ARHGAP21: variants seen among roughly 807,000 people sequenced by gnomAD.
ARHGAP21 encodes rho GTPase-activating protein 21.
Under a neutral mutation model 164.6 loss-of-function variants are expected in ARHGAP21, and 38 were observed. The observed-to-expected ratio is 0.23, with a 90% CI of 0.18 to 0.30. ARHGAP21 has a LOEUF of 0.30. Among genes scored for constraint, ARHGAP21 ranks in the 10% least tolerant of loss-of-function variants. The probability of loss-of-function intolerance (pLI) is 1.00; values close to 1 mark genes in which losing one functional copy is unlikely to be tolerated. For synonymous variants in ARHGAP21, 766 were observed against 857.9 expected (o/e 0.89, Z 1.87); for missense variants, 1,822 against 2,370.7 (o/e 0.77, Z 4.81).
Position 24,585,689 on chromosome 10 carries a change from G to C in ARHGAP21, c.4600C>G (p.Gln1534Glu). 2 of 1,614,184 alleles carry C rather than the reference G, an allele frequency of 1.2e-6. No homozygotes were observed. Among genetic ancestry groups the C allele is most frequent in the Non-Finnish European group, 1.7e-6 (2 of 1,180,032 alleles). ...GTCTCTTCAAGGTGGGAGGACTTCT[G>C]TGCCAGAAGTGACCTGGGGCTCTCT... is the stretch of plus-strand genomic sequence containing the variant. ...LKESPRSLLA[Q>E]KSSHLEETGS... The change falls in exon 26 of 26, where the codon CAG becomes GAG. Residue 1534 changes from glutamine to glutamate, a missense_variant. Gln to Glu is a conservative substitution (Grantham distance 29). Transcript: ENST00000396432.
chr10:24,625,488 T>C (rs1487044841), intron 7 of ARHGAP21, among the ~76,000 whole-genome samples: 3 of 151,806 alleles, frequency 2.0e-5, no homozygotes, highest in Non-Finnish European at 4.4e-5. Flanking sequence ...GGGGATGGTG[T>C]AGATGGAGAA....
chr10:24,606,355 T>C (rs952547688), intron 11 of ARHGAP21, among the ~76,000 whole-genome samples: 4 of 152,056 alleles, frequency 2.6e-5, no homozygotes, highest in South Asian at 2.1e-4. Context: ...GAAGAATCCA[T>C]AGAAAATAGT....
rs766927000 is a variant in ARHGAP21 at position 24,584,831 on chromosome 10, T to C, written c.5458A>G (p.Lys1820Glu). 5 of 1,613,968 alleles carry C rather than the reference T, an allele frequency of 3.1e-6. No homozygotes were observed. Among genetic ancestry groups the C allele is most frequent in the East Asian group, 2.2e-5 (1 of 44,876 alleles). ...CTCTCCCCGCTCTGCTCATGCACTT[T>C]CCAAAAATTCAAAACGCTGATTTCG... The part of the protein sequence containing the change: ...ATEISVLNFW[K>E]VHEQSGERES... Residue 1820 changes from lysine to glutamate, a missense_variant, in exon 26 of 26, where the codon AAA (lysine) becomes GAA (glutamate). This residue lies in a region of ARHGAP21 where 165 missense variants were observed against 176.6 expected (regional missense o/e 0.93). Transcript: ENST00000396432.
intron 4 of ARHGAP21, among the ~76,000 whole-genome samples, chr10:24,645,358 A>G (rs572818117): frequency 6.6e-6 from 1 of 152,240 alleles, no homozygotes; most frequent in Admixed American, 6.5e-5. Context: ...AGATGGGTTG[A>G]TCACCTGCAG....
chr10:24,699,165 C>T (rs934079689), intron 2 of ARHGAP21, among the ~76,000 whole-genome samples: 1 of 152,032 alleles, frequency 6.6e-6, no homozygotes, highest in African/African-American at 2.4e-5. Flanking sequence ...CTTTCTGGCT[C>T]CTATTATCTC....
At chr10:24,718,042 A>G (rs1845558922) in intron 2 of ARHGAP21, among the ~76,000 whole-genome samples, 1 of 152,118 alleles carries the variant, frequency 6.6e-6, no homozygotes, top group African/African-American at 2.4e-5. Context: ...AGTTATTGGG[A>G]AACTCCGTAG....
intron 2 of ARHGAP21, among the ~76,000 whole-genome samples, chr10:24,694,356 T>C (rs1842970857): frequency 1.3e-5 from 2 of 152,228 alleles, no homozygotes; most frequent in African/African-American, 4.8e-5. Context: ...GTTTGGCAAC[T>C]GGGATTTCAA....
At chr10:24,715,235 A>G (rs76305308) in intron 2 of ARHGAP21, among the ~76,000 whole-genome samples, 1,895 of 152,248 alleles carry the variant, frequency 0.012, 32 homozygotes, top group African/African-American at 0.036. Flanking sequence ...AAAAAGAGAA[A>G]ATGTAAAAAT....
At chr10:24,623,640 T>C (rs1159741570) in intron 7 of ARHGAP21, among the ~76,000 whole-genome samples, 1 of 152,214 alleles carries the variant, frequency 6.6e-6, no homozygotes, top group African/African-American at 2.4e-5. Flanking sequence ...CTGTACTGTC[T>C]GGTACAGCAT....
At position 24,660,649 on chromosome 10, in the gene ARHGAP21, T is replaced by C. The variant is rs535170362; in HGVS notation, c.268+6336A>G. ...CTGGTGGAAACTCAATTTCTAATTATGTTTTGTAATATCCAGATCTCTCTG... is the reference window on the plus strand; with the variant it reads ...CTGGTGGAAACTCAATTTCTAATTACGTTTTGTAATATCCAGATCTCTCTG... On this transcript the variant is annotated intron_variant, in intron 4 of 25. Coordinates refer to ENST00000396432, the MANE Select transcript of ARHGAP21 (RefSeq NM_020824.4). 3.9e-4 allele frequency among the ~76,000 whole-genome samples: 59 copies of C among 152,312 alleles called. No homozygotes were observed. In the South Asian group the frequency reaches 4.1e-3, roughly 11 times the overall value.
chr10:24,637,121 A>G (rs1010760156), intron 4 of ARHGAP21, among the ~76,000 whole-genome samples: 1 of 152,252 alleles, frequency 6.6e-6, no homozygotes, highest in Non-Finnish European at 1.5e-5. Context: ...AAGAGGCAGC[A>G]TAGGGATTTG....
At chr10:24,699,609 G>T (rs560899470) in intron 2 of ARHGAP21, among the ~76,000 whole-genome samples, 1 of 152,272 alleles carries the variant, frequency 6.6e-6, no homozygotes, top group East Asian at 1.9e-4. Context: ...ACAGGCATGA[G>T]TCACCGTGCC....
At position 24,583,804 on chromosome 10, in the gene ARHGAP21, A is replaced by G. The variant is rs999016319; in HGVS notation, c.*608T>C. The G allele has an allele frequency of 6.5e-6, 1 of 152,678 alleles. No homozygotes were observed. The highest frequency in any genetic ancestry group is 1.5e-5 in the Non-Finnish European group (1 of 68,038). 9.5% of individuals were successfully genotyped at this position (152,678 alleles called of 1,614,324 possible). ...AATCTGGTATCTGAAGAAAAGATACACATTTAATATGTTCATTTAAGTTAC... is the reference window on the plus strand; with the variant it reads ...AATCTGGTATCTGAAGAAAAGATACGCATTTAATATGTTCATTTAAGTTAC... On this transcript the variant is annotated 3_prime_UTR_variant, in exon 26 of 26. Transcript: ENST00000396432.
At chr10:24,656,274 C>T (rs1230327813) in intron 4 of ARHGAP21, among the ~76,000 whole-genome samples, 11 of 119,348 alleles carry the variant, frequency 9.2e-5, no homozygotes, top group South Asian at 3.0e-4. Flanking sequence ...CACCTCTGCC[C>T]GGCCGCCCCT....
chr10:24,644,079 C>A (rs1837336913), intron 4 of ARHGAP21, among the ~76,000 whole-genome samples: 1 of 152,102 alleles, frequency 6.6e-6, no homozygotes, highest in Non-Finnish European at 1.5e-5. Flanking sequence ...AACCTTGTCT[C>A]CCAGTTCACT....
At chr10:24,596,605 G>C (rs2076591415) in intron 17 of ARHGAP21, 135 bp downstream of exon 17, 2 of 1,204,364 alleles carry the variant, frequency 1.7e-6, no homozygotes, top group Non-Finnish European at 2.3e-6. Flanking sequence ...GAAATACTTA[G>C]GGAAACTAAG....
At chr10:24,683,664 T>C (rs1267869316) in intron 2 of ARHGAP21, among the ~76,000 whole-genome samples, 1 of 152,050 alleles carries the variant, frequency 6.6e-6, no homozygotes, top group Non-Finnish European at 1.5e-5. Context: ...TAATATAAAT[T>C]GTAAAGGAAT....
chr10:24,606,396 AAT>A (rs1444122670), intron 11 of ARHGAP21, among the ~76,000 whole-genome samples: 4 of 152,186 alleles, frequency 2.6e-5, no homozygotes. Context: ...TTCACAGAAA[AAT>A]ATAAATATCT....
At chr10:24,710,452 A>G (rs1468061846) in intron 2 of ARHGAP21, among the ~76,000 whole-genome samples, 5 of 152,112 alleles carry the variant, frequency 3.3e-5, no homozygotes, top group Admixed American at 3.3e-4. Flanking sequence ...TCAGCCTGCT[A>G]TATGTTTTCA....
Sources: gnomAD v4.1 joint callset for allele counts (sites outside exome capture counted in the v4.1 genomes callset) on GRCh38, gnomAD v4.1.1 for gene constraint, gnomAD v4.1.1 regional missense constraint, MANE v1.5 for transcripts, NCBI Gene and HGNC (gene_info 2026-07-23, HGNC 2026-07-21) for gene names.